Variants in PRKCZ observed in about 807,000 individuals in gnomAD.
PRKCZ encodes protein kinase C zeta type.
A neutral mutation model predicts 79.5 loss-of-function variants in PRKCZ; 33 were observed. The ratio of observed to expected loss-of-function variants is 0.41; its 90% CI spans 0.31 to 0.55. PRKCZ has a LOEUF of 0.55. Ranked by LOEUF, PRKCZ falls within the 20% of genes least tolerant of loss-of-function variation. The probability of loss-of-function intolerance (pLI) is 0.19; values close to 1 mark genes in which losing one functional copy is unlikely to be tolerated. For missense variants in PRKCZ, 578 were observed against 813.5 expected, an observed-to-expected ratio of 0.71 and a Z score of 3.52; for synonymous variants, 342 against 320.9, an observed-to-expected ratio of 1.07 and a Z score of -0.70.
chr1:2,111,199 G>A (rs1669679036), intron 4 of PRKCZ, among the ~76,000 whole-genome samples: 1 of 152,130 alleles, frequency 6.6e-6, no homozygotes. Context: ...GGGCTGAGCT[G>A]AGGTTACTGA....
At chr1:2,131,993 A>G (rs572547229) in intron 4 of PRKCZ, among the ~76,000 whole-genome samples, 2 of 152,156 alleles carry the variant, frequency 1.3e-5, no homozygotes, top group South Asian at 2.1e-4. Flanking sequence ...TTGTATTTTT[A>G]GTAGAGACGG....
chr1:2,170,828 T>G (rs1684283581), intron 11 of PRKCZ, among the ~76,000 whole-genome samples: 1 of 152,234 alleles, frequency 6.6e-6, no homozygotes, highest in African/African-American at 2.4e-5. Flanking sequence ...AGAATTGCCT[T>G]CCTTTTTCAG....
intron 4 of PRKCZ, among the ~76,000 whole-genome samples, chr1:2,121,519 A>AGGTCATGGTGGTAGTTAGGGTTATGGTAG (rs1553154019): frequency 2.8e-5 from 3 of 105,878 alleles, no homozygotes; most frequent in African/African-American, 6.4e-5. Context: ...GTGGTACTTA[A>AGGTCATGGTGGTAGTTAGGGTTATGGTAG]GGTCATGGCA....
intron 5 of PRKCZ, among the ~76,000 whole-genome samples, chr1:2,139,454 G>C (rs1676878050): frequency 6.6e-6 from 1 of 152,128 alleles, no homozygotes; most frequent in Non-Finnish European, 1.5e-5. Context: ...GCCAGGCGTG[G>C]TGGTGGGTTC....
chr1:2,081,483 GGCCT>G (rs1663506384), intron 4 of PRKCZ, among the ~76,000 whole-genome samples: 1 of 152,194 alleles, frequency 6.6e-6, no homozygotes, highest in South Asian at 2.1e-4. Flanking sequence ...CCCCAGAAGG[GGCCT>G]GTGTGGCCAG....
At position 2,166,562 on chromosome 1, in the gene PRKCZ, C is replaced by T. The variant is rs1412985212; in HGVS notation, c.975-2956C>T. Among the ~76,000 whole-genome samples the T allele has an allele frequency of 1.3e-4, 20 of 152,318 alleles. No homozygotes were observed. The East Asian group carries it at 3.5e-3, about 26-fold the overall frequency. ...CAGGGAGGGGCATCCCCAGCGCCTC[C>T]AGGCCACAACATGGCGAGTGTGGCT... On this transcript the variant is annotated intron_variant, in intron 10 of 17. Transcript: ENST00000378567.
chr1:2,063,003 T>G (rs1378562732), intron 4 of PRKCZ, among the ~76,000 whole-genome samples: 1 of 149,634 alleles, frequency 6.7e-6, no homozygotes, highest in Non-Finnish European at 1.5e-5. Flanking sequence ...TCTAGGGGCC[T>G]CCTGTGAGTG....
intron 10 of PRKCZ, among the ~76,000 whole-genome samples, chr1:2,160,065 G>A (rs558874367): frequency 1.8e-4 from 27 of 152,196 alleles, no homozygotes; most frequent in East Asian, 1.9e-4. Context: ...TGTTTGCCAC[G>A]GTTGATTATT....
rs1357170214 is a variant in PRKCZ at position 2,172,726 on chromosome 1, G to C, written c.1285+338G>C. 6.6e-6 allele frequency among the ~76,000 whole-genome samples: 1 copy of C among 152,298 alleles called. No individual in the cohort carries two copies. Among genetic ancestry groups the C allele is most frequent in the East Asian group, 1.9e-4 (1 of 5,178 alleles). On this transcript the variant is annotated intron_variant, in intron 13 of 17. Coordinates refer to ENST00000378567, the MANE Select transcript of PRKCZ (RefSeq NM_002744.6). The surrounding 1 kb of genome is among the most constrained non-coding windows in gnomAD (Gnocchi z 7.8). Reference sequence around the variant, plus strand: ...TGCACGAGTGGCTGGGGGAGAAGCTGTTGTCTGGGGAGCCCCAGGGGGTGC... The same window carrying C: ...TGCACGAGTGGCTGGGGGAGAAGCTCTTGTCTGGGGAGCCCCAGGGGGTGC...
At chr1:2,076,898 G>C (rs1662528378) in intron 4 of PRKCZ, among the ~76,000 whole-genome samples, 1 of 152,202 alleles carries the variant, frequency 6.6e-6, no homozygotes, top group Non-Finnish European at 1.5e-5. Context: ...GGGCCCGGCA[G>C]CTCATTTCTA....
chr1:2,120,247 A>G (rs1243919353), intron 4 of PRKCZ, among the ~76,000 whole-genome samples: 2 of 139,852 alleles, frequency 1.4e-5, no homozygotes, highest in African/African-American at 5.4e-5. Context: ...AATCAGGGAC[A>G]TGATAGCTTT....
chr1:2,061,614 C>T (rs995675153), intron 4 of PRKCZ, among the ~76,000 whole-genome samples: 4 of 152,136 alleles, frequency 2.6e-5, no homozygotes, highest in Admixed American at 6.5e-5. Context: ...GGGGACATTC[C>T]GCCAGAGCCT....
At position 2,162,791 on chromosome 1, in the gene PRKCZ, G is replaced by A. The variant is rs374225903; in HGVS notation, c.974+6699G>A. Among the ~76,000 whole-genome samples the A allele has an allele frequency of 7.2e-5, 11 of 152,298 alleles. No homozygotes were observed. In the East Asian group the frequency reaches 2.1e-3, roughly 29 times the overall value. On this transcript the variant is annotated intron_variant, in intron 10 of 17. Transcript: ENST00000378567. Reference sequence around the variant, plus strand: ...GTCTTGAGTGTTTCATCTCGTTTCTGTTATAAACGAGGTATTTTTTCTTCT... The same window carrying A: ...GTCTTGAGTGTTTCATCTCGTTTCTATTATAAACGAGGTATTTTTTCTTCT...
chr1:2,154,436 GAC>G (rs1484629979), intron 9 of PRKCZ, among the ~76,000 whole-genome samples: 3 of 152,192 alleles, frequency 2.0e-5, no homozygotes, highest in African/African-American at 7.2e-5. Flanking sequence ...GAGGAGGAAT[GAC>G]ACAGTCTCAG....
At chr1:2,155,211 GTGA>G (rs968054083) in intron 9 of PRKCZ, among the ~76,000 whole-genome samples, 3 of 151,826 alleles carry the variant, frequency 2.0e-5, no homozygotes, top group African/African-American at 2.4e-5. Context: ...GATGATGGCG[GTGA>G]TGATGGTGAT....
rs778602753 is a variant in PRKCZ at position 2,174,779 on chromosome 1, C to T, written c.1431C>T (p.Ile477=). The T allele has an allele frequency of 1.9e-6, 3 of 1,613,950 alleles. No individual in the cohort carries two copies. Among genetic ancestry groups the T allele is most frequent in the South Asian group, 1.1e-5 (1 of 91,092 alleles). ...FQVILEKPIR[I]PRFLSVKASH... Reference sequence around the variant, plus strand: ...TGATCCTGGAGAAGCCCATCCGGATCCCCCGGTTCCTGTCCGTCAAAGCCT... The same window carrying T: ...TGATCCTGGAGAAGCCCATCCGGATTCCCCGGTTCCTGTCCGTCAAAGCCT... The change falls in exon 15 of 18, where the codon ATC becomes ATT. Residue 477 remains isoleucine (I), a synonymous_variant. Transcript: ENST00000378567. The surrounding 1 kb of genome is among the most constrained non-coding windows in gnomAD (Gnocchi z 6.2).
At chr1:2,182,016 G>A (rs113806801) in intron 16 of PRKCZ, 1 of 368,534 alleles carries the variant, frequency 2.7e-6, no homozygotes. Flanking sequence ...GCTGCCTGTG[G>A]CCCAGCTTTG....
intron 10 of PRKCZ, among the ~76,000 whole-genome samples, chr1:2,166,648 C>G (rs1334597169): frequency 1.3e-5 from 2 of 151,736 alleles, no homozygotes; most frequent in Non-Finnish European, 2.9e-5. Context: ...GCGAGTGTGG[C>G]TACCAGGACA....
rs201622767 is a variant in PRKCZ at position 2,123,993 on chromosome 1, T to TGGC, written c.335-11267_335-11266insCGG. The stretch of plus-strand genomic sequence containing the variant: ...AGGGTCACGGCGGTGGTTAGGGTCG[T>TGGC]GGTGGTTAGGGTCACGGTGGCGGTT... On this transcript the variant is annotated intron_variant, in intron 4 of 17. Coordinates refer to ENST00000378567, the MANE Select transcript of PRKCZ (RefSeq NM_002744.6). Among the ~76,000 whole-genome samples, 5 of 6,908 alleles carry TGGC rather than the reference T, an allele frequency of 7.2e-4. 1 individual carries two copies. The highest frequency in any genetic ancestry group is 3.8e-3 in the African/African-American group (4 of 1,066). 4.5% of individuals were successfully genotyped at this position (6,908 alleles called of 152,430 possible). A position where few individuals can be genotyped will look rare whatever the true frequency, so the allele number is the denominator to read the frequency against.
Sources: allele counts gnomAD v4.1 joint callset (sites outside exome capture counted in the v4.1 genomes callset), GRCh38; gene constraint gnomAD v4.1.1; non-coding constraint Gnocchi (gnomAD v3.1); transcripts MANE v1.5; gene names NCBI Gene and HGNC (gene_info 2026-07-23, HGNC 2026-07-21).